Variants in KSR2 observed in about 807,000 individuals in gnomAD.
The protein encoded by KSR2 is kinase suppressor of ras 2.
In KSR2, 25 loss-of-function variants were observed where a neutral mutation model predicts 107.8. That is an observed-to-expected ratio of 0.23 (90% CI 0.17 to 0.32). The LOEUF is 0.32. Ranked by LOEUF, KSR2 falls within the 10% of genes least tolerant of loss-of-function variation. The pLI is 1.00. For synonymous variants in KSR2, 480 were observed against 507.0 expected (o/e 0.95, Z 0.71); for missense variants, 887 against 1,268.9 (o/e 0.70, Z 4.57).
chr12:117,527,286 C>CAA (rs1384112513), intron 12 of KSR2, among the ~76,000 whole-genome samples, 167 bp from the exon 13 acceptor site: 4 of 121,672 alleles, frequency 3.3e-5, no homozygotes, highest in African/African-American at 1.3e-4. Context: ...CCTCGACACA[C>CAA]ACACACACAC....
chr12:117,581,220 C>T (rs895294055), intron 6 of KSR2, among the ~76,000 whole-genome samples: 1 of 152,106 alleles, frequency 6.6e-6, no homozygotes, highest in East Asian at 1.9e-4. Flanking sequence ...CTCCTCCATG[C>T]CCCCAGCTAT....
chr12:117,569,121 T>C (rs1444521690), intron 7 of KSR2, among the ~76,000 whole-genome samples: 2 of 152,194 alleles, frequency 1.3e-5, no homozygotes, highest in African/African-American at 4.8e-5. Context: ...TTTTATCTCC[T>C]CATCACCTGT....
intron 5 of KSR2, 68 bp from the exon 6 acceptor site, chr12:117,582,427 G>T: frequency 8.4e-7 from 1 of 1,189,592 alleles, no homozygotes; most frequent in Non-Finnish European, 1.3e-6. Context: ...GGCAAGGCCT[G>T]GAAGGAAAAG....
intron 1 of KSR2, among the ~76,000 whole-genome samples, chr12:117,913,519 T>C (rs145071394): frequency 1.3e-5 from 2 of 152,244 alleles, no homozygotes; most frequent in African/African-American, 4.8e-5. Context: ...GAGGAGATCA[T>C]ACTCAAAAGG....
intron 1 of KSR2, among the ~76,000 whole-genome samples, chr12:117,925,211 C>T (rs1427070286): frequency 6.6e-6 from 1 of 151,822 alleles, no homozygotes; most frequent in African/African-American, 2.4e-5. Context: ...GCATCCTCCA[C>T]CTCCCAGGCT....
At chr12:117,807,855 C>G (rs545549938) in intron 3 of KSR2, among the ~76,000 whole-genome samples, 1 of 152,172 alleles carries the variant, frequency 6.6e-6, no homozygotes, top group Non-Finnish European at 1.5e-5. Flanking sequence ...ACCTGAAATC[C>G]GCTCTTTCAG....
At chr12:117,550,102 A>G (rs79767964) in intron 9 of KSR2, among the ~76,000 whole-genome samples, 229 of 152,344 alleles carry the variant, frequency 1.5e-3, no homozygotes, top group African/African-American at 5.2e-3. Flanking sequence ...GAACATAGAT[A>G]AGAGCTGGAA....
chr12:117,953,849 T>A (rs1593400778), intron 1 of KSR2, among the ~76,000 whole-genome samples: 1 of 152,166 alleles, frequency 6.6e-6, no homozygotes, highest in East Asian at 1.9e-4. Flanking sequence ...AACACCGCTT[T>A]GAGGACAAGG....
At chr12:117,832,966 G>T (rs75617190) in intron 3 of KSR2, among the ~76,000 whole-genome samples, 2,540 of 152,292 alleles carry the variant, frequency 0.017, 73 homozygotes, top group African/African-American at 0.058. Flanking sequence ...AGTGGCTTCT[G>T]CACAGCACGT....
intron 1 of KSR2, among the ~76,000 whole-genome samples, chr12:117,888,717 A>T (rs887368482): frequency 1.3e-5 from 2 of 152,214 alleles, no homozygotes; most frequent in African/African-American, 4.8e-5. Context: ...TGAACTTCCC[A>T]GCCTCCAGAA....
intron 3 of KSR2, among the ~76,000 whole-genome samples, chr12:117,839,075 G>GA (rs1340749691): frequency 6.6e-6 from 1 of 152,168 alleles, no homozygotes; most frequent in African/African-American, 2.4e-5. Flanking sequence ...GTTTTAGAGA[G>GA]AAAATCTCTC....
At chr12:117,745,465 A>G (rs1000903966) in intron 4 of KSR2, among the ~76,000 whole-genome samples, 3 of 152,148 alleles carry the variant, frequency 2.0e-5, no homozygotes, top group Non-Finnish European at 4.4e-5. Context: ...TTAATATCTA[A>G]AATATATAAG....
intron 1 of KSR2, among the ~76,000 whole-genome samples, chr12:117,874,837 G>A (rs1177039305): frequency 6.6e-6 from 1 of 152,064 alleles, no homozygotes; most frequent in East Asian, 1.9e-4. Context: ...AAAACCCAAA[G>A]GTTCCATCTT....
At chr12:117,942,700 A>G (rs867177483) in intron 1 of KSR2, among the ~76,000 whole-genome samples, 11 of 150,166 alleles carry the variant, frequency 7.3e-5, no homozygotes, top group Middle Eastern at 3.4e-3. Flanking sequence ...GAGTTTTGCC[A>G]TGTTGTCCAA....
chr12:117,852,157 T>G (rs1015940527), intron 3 of KSR2, among the ~76,000 whole-genome samples: 8 of 151,992 alleles, frequency 5.3e-5, no homozygotes, highest in Non-Finnish European at 8.8e-5. Flanking sequence ...GTGTGATGGC[T>G]CACACTTGTA....
intron 12 of KSR2, among the ~76,000 whole-genome samples, chr12:117,530,030 A>C (rs1875504188): frequency 6.6e-6 from 1 of 152,150 alleles, no homozygotes; most frequent in Non-Finnish European, 1.5e-5. Context: ...CAAAACAAAC[A>C]AACAAAAAAC....
Position 117,737,093 on chromosome 12 carries a change from G to C in KSR2, c.986+23918C>G, listed in dbSNP as rs143543987. Among the ~76,000 whole-genome samples the C allele has an allele frequency of 5.4e-3, 827 of 152,284 alleles. 9 individuals carry two copies. The highest frequency in any genetic ancestry group is 0.015 in the African/African-American group (631 of 41,558). The stretch of plus-strand genomic sequence containing the variant: ...CACCTGTGTGGCCTCATGAGTGTTT[G>C]ATCCACACTGGAAAATTCAATCCAA... On this transcript the variant is annotated intron_variant, in intron 4 of 19. Coordinates refer to ENST00000339824, the MANE Select transcript of KSR2 (RefSeq NM_173598.6).
At chr12:117,606,631 C>A in intron 5 of KSR2, among the ~76,000 whole-genome samples, 1 of 107,656 alleles carries the variant, frequency 9.3e-6, no homozygotes, top group African/African-American at 3.7e-5. Flanking sequence ...TCCCTTTCTT[C>A]CCTACTTCTT....
intron 5 of KSR2, among the ~76,000 whole-genome samples, chr12:117,655,534 G>A (rs187575768): frequency 8.7e-4 from 133 of 152,282 alleles, no homozygotes; most frequent in African/African-American, 3.0e-3. Flanking sequence ...ACAGGTCCAG[G>A]AATCAAGGGG....
Sources: allele counts gnomAD v4.1 joint callset (sites outside exome capture counted in the v4.1 genomes callset), GRCh38; gene constraint gnomAD v4.1.1; transcripts MANE v1.5; gene names NCBI Gene and HGNC (gene_info 2026-07-23, HGNC 2026-07-21).